The following UGT2B7 variants were observed in gnomAD, a reference collection of about 807,000 sequenced individuals.
UGT2B7 encodes UDP-glucuronosyltransferase 2B7.
In UGT2B7, 51 loss-of-function variants were observed where a neutral mutation model predicts 51.9. The ratio of observed to expected loss-of-function variants is 0.98; its 90% CI spans 0.78 to 1.24. The LOEUF (loss-of-function observed/expected upper bound fraction) is 1.24. Ranked by LOEUF, UGT2B7 falls within the 50% of genes most tolerant of loss-of-function variation. The pLI, the probability that UGT2B7 is intolerant of heterozygous loss-of-function variation, is 0.00. For synonymous variants in UGT2B7, 225 were observed against 211.6 expected, an observed-to-expected ratio of 1.06 and a Z score of -0.55; for missense variants, 727 against 628.4, an observed-to-expected ratio of 1.16 and a Z score of -1.68.
intron 1 of UGT2B7, 126 bp downstream of exon 1, chr4:69,097,367 C>T: frequency 8.9e-7 from 1 of 1,126,424 alleles, no homozygotes; most frequent in Non-Finnish European, 1.2e-6. Context: ...AACAAAAATA[C>T]AAGATGATCT....
At chr4:69,103,869 G>T (rs1252980600) in intron 3 of UGT2B7, among the ~76,000 whole-genome samples, 1 of 152,132 alleles carries the variant, frequency 6.6e-6, no homozygotes, top group Non-Finnish European at 1.5e-5. Context: ...TAGTTATGCG[G>T]TATATTCTCT....
In UGT2B7 at chr4:69,112,958, A is replaced by G. The variant is rs1186117373; in HGVS notation, c.*222A>G. The G allele has an allele frequency of 8.9e-6, 5 of 563,974 alleles. No individual in the cohort carries two copies. 34.9% of individuals were successfully genotyped at this position (563,974 alleles called of 1,614,324 possible). On this transcript the variant is annotated 3_prime_UTR_variant, in exon 6 of 6. Coordinates refer to ENST00000305231, the MANE Select transcript of UGT2B7 (RefSeq NM_001074.4). ...ATTTTGTGGCAATGAAGAAAACACT[A>G]CGGAAAATAAAAAATAAGATAAAGC... is the stretch of plus-strand genomic sequence containing the variant.
intron 5 of UGT2B7, among the ~76,000 whole-genome samples, chr4:69,111,481 A>G (rs1719768800): frequency 6.6e-6 from 1 of 152,168 alleles, no homozygotes; most frequent in Non-Finnish European, 1.5e-5. Context: ...TAATTCTCAT[A>G]TTGCATTTTC....
At chr4:69,101,682 TAAC>T (rs555035925) in intron 2 of UGT2B7, among the ~76,000 whole-genome samples, 19 of 152,324 alleles carry the variant, frequency 1.2e-4, no homozygotes, top group African/African-American at 4.6e-4. Context: ...TCTGCAGAGT[TAAC>T]ATTTGGACTT....
intron 2 of UGT2B7, among the ~76,000 whole-genome samples, chr4:69,099,396 A>C (rs1719355212): frequency 6.6e-6 from 1 of 151,976 alleles, no homozygotes; most frequent in Non-Finnish European, 1.5e-5. Flanking sequence ...TAGGAGTTGA[A>C]ATATTTATTA....
intron 2 of UGT2B7, among the ~76,000 whole-genome samples, chr4:69,090,840 G>T (rs1176537530): frequency 6.6e-6 from 1 of 152,132 alleles, no homozygotes; most frequent in Admixed American, 6.5e-5. Flanking sequence ...GGAAAATCTT[G>T]ATTTCATAAC....
rs185863914 is a variant in UGT2B7 at position 69,107,929 on chromosome 4, A to G, written c.1091-174A>G. 5.8e-4 allele frequency among the ~76,000 whole-genome samples: 89 copies of G among 152,290 alleles called. 3 individuals carry two copies. The East Asian group carries it at 0.016, about 27-fold the overall frequency. ...TGCAGTCTGAAGTCACACACACCGT[A>G]TAGCCTTCAGTTACATACCCAGTAC... On this transcript the variant is annotated intron_variant, in intron 4 of 5. Transcript: ENST00000305231.
chr4:69,103,192 G>A (rs1450578243), intron 3 of UGT2B7, among the ~76,000 whole-genome samples: 1 of 152,006 alleles, frequency 6.6e-6, no homozygotes, highest in Non-Finnish European at 1.5e-5. Context: ...TATTTAAAAA[G>A]TGTTTGGAGA....
chr4:69,097,538 A>G (rs79950077), intron 1 of UGT2B7, among the ~76,000 whole-genome samples: 1,579 of 152,262 alleles, frequency 0.01, 29 homozygotes, highest in African/African-American at 0.036. Flanking sequence ...ATTGTTTTAC[A>G]TCTTAAAAAC....
Position 69,098,603 on chromosome 4 carries a change from G to A in UGT2B7, c.785G>A (p.Trp262Ter). ...KADVWLIRNS[W>*]NFQFPYPLLP... is the part of the protein sequence containing the mutation. ...GACGTATGGCTTATTCGAAACTCCT[G>A]GAATTTTCAGTTTCCATATCCACTC... The change falls in exon 2 of 6, where the codon TGG becomes TAG. Residue 262 changes from tryptophan (W) to a stop codon, truncating the protein, a stop_gained. Transcript: ENST00000305231. LOFTEE classifies it high-confidence loss of function. 1 of 1,611,922 alleles carries A rather than the reference G, an allele frequency of 6.2e-7. No individual in the cohort carries two copies. The highest frequency in any genetic ancestry group is 8.5e-7 in the Non-Finnish European group (1 of 1,178,966).
At chr4:69,103,972 G>T (rs902092696) in intron 3 of UGT2B7, among the ~76,000 whole-genome samples, 2 of 152,092 alleles carry the variant, frequency 1.3e-5, no homozygotes, top group African/African-American at 4.8e-5. Flanking sequence ...TAAGGAGAAT[G>T]AATTCCAATC....
intron 1 of UGT2B7, among the ~76,000 whole-genome samples, chr4:69,084,680 A>G (rs921353772): frequency 3.3e-5 from 5 of 151,928 alleles, no homozygotes; most frequent in Non-Finnish European, 7.4e-5. Flanking sequence ...ATGTGTTCTC[A>G]TTGTTCATCT....
chr4:69,104,803 G>T (rs2109890720), intron 3 of UGT2B7, among the ~76,000 whole-genome samples: 1 of 152,138 alleles, frequency 6.6e-6, no homozygotes, highest in South Asian at 2.1e-4. Flanking sequence ...CATTTTAATG[G>T]GTAACTTCAC....
At chr4:69,054,012 A>G (rs1242251512) in intron 1 of UGT2B7, among the ~76,000 whole-genome samples, 3 of 152,200 alleles carry the variant, frequency 2.0e-5, no homozygotes, top group Admixed American at 2.0e-4. Context: ...CGCAAGGAAT[A>G]CCAGATCAAT....
At chr4:69,103,070 T>G in intron 3 of UGT2B7, 132 bp downstream of exon 3, 2 of 1,471,546 alleles carry the variant, frequency 1.4e-6, no homozygotes, top group Non-Finnish European at 1.8e-6. Flanking sequence ...AAGGATAATC[T>G]TGGAGAAACT....
intron 1 of UGT2B7, among the ~76,000 whole-genome samples, chr4:69,065,574 T>C (rs923240809): frequency 6.6e-6 from 1 of 152,238 alleles, no homozygotes; most frequent in African/African-American, 2.4e-5. Context: ...AAAATATCAC[T>C]TAAAATTTTT....
chr4:69,052,817 A>C (rs1390839179), intron 1 of UGT2B7, among the ~76,000 whole-genome samples: 1 of 152,154 alleles, frequency 6.6e-6, no homozygotes. Context: ...GAAACAGTTT[A>C]TGTGCAAAGT....
intron 1 of UGT2B7, among the ~76,000 whole-genome samples, chr4:69,056,511 G>A (rs188281669): frequency 6.6e-6 from 1 of 152,214 alleles, no homozygotes; most frequent in Admixed American, 6.5e-5. Flanking sequence ...ACAAGTAGTT[G>A]AGGATATAGT....
At chr4:69,100,174 C>G (rs910281164) in intron 2 of UGT2B7, among the ~76,000 whole-genome samples, 1 of 151,934 alleles carries the variant, frequency 6.6e-6, no homozygotes, top group Non-Finnish European at 1.5e-5. Flanking sequence ...ATTAAAGCTT[C>G]CTGTGGGAAC....
Sources: gnomAD v4.1 joint callset for allele counts (sites outside exome capture counted in the v4.1 genomes callset) on GRCh38, gnomAD v4.1.1 for gene constraint, MANE v1.5 for transcripts, NCBI Gene and HGNC (gene_info 2026-07-23, HGNC 2026-07-21) for gene names.